Variants in GUCY2F observed in about 807,000 individuals in gnomAD.
GUCY2F encodes the protein retinal guanylyl cyclase 2.
In GUCY2F, 61 loss-of-function variants were observed where a neutral mutation model predicts 73.1. The ratio of observed to expected loss-of-function variants is 0.83; its 90% CI spans 0.68 to 1.03. The LOEUF (loss-of-function observed/expected upper bound fraction) is 1.03. GUCY2F is among the 50% of genes least tolerant of loss of function. The pLI is 0.00. For missense variants in GUCY2F, 912 were observed against 854.3 expected (o/e 1.07, Z -0.84); for synonymous variants, 331 against 307.8 (o/e 1.08, Z -0.79).
intron 8 of GUCY2F, among the ~76,000 whole-genome samples, chrX:109,428,396 A>G (rs1358134403): frequency 8.9e-6 from 1 of 112,182 alleles, no homozygotes; most frequent in Non-Finnish European, 1.9e-5. Flanking sequence ...GAAGATGCAT[A>G]GTCTAAATCG....
At chrX:109,394,422 A>C in intron 12 of GUCY2F, among the ~76,000 whole-genome samples, 1 of 112,153 alleles carries the variant, frequency 8.9e-6, no homozygotes, top group Non-Finnish European at 1.9e-5. Flanking sequence ...TAATGGAGGC[A>C]TTGTTAGCTG....
intron 10 of GUCY2F, among the ~76,000 whole-genome samples, chrX:109,400,243 A>T (rs1394774329): frequency 9.1e-6 from 1 of 110,312 alleles, no homozygotes; most frequent in African/African-American, 3.3e-5. Flanking sequence ...GCAGCAACAC[A>T]GTCAACCAGA....
intron 18 of GUCY2F, 25 bp from the exon 19 acceptor site, chrX:109,376,011 T>C: frequency 1.7e-6 from 2 of 1,172,908 alleles, no homozygotes; most frequent in Non-Finnish European, 2.3e-6. Flanking sequence ...AGACATCAAA[T>C]AGGTAGTGAA....
rs139204279 is a variant in GUCY2F, at chrX:109,414,387, G to A, written c.1792-5219C>T. On this transcript the variant is annotated intron_variant, in intron 8 of 19. Coordinates refer to ENST00000218006, the MANE Select transcript of GUCY2F (RefSeq NM_001522.3). ...CTATTGTTCAAGACCTCCTATCCCC[G>A]TATCAACCTACCCACTATCTAACAC... 3.1e-4 allele frequency among the ~76,000 whole-genome samples: 35 copies of A among 111,335 alleles called. No individual in the cohort carries two copies. The East Asian group carries it at 9.0e-3, about 29-fold the overall frequency.
At position 109,457,784 on chromosome X, in the gene GUCY2F, T is replaced by C. The variant is rs1005727739; in HGVS notation, c.1033-3925A>G. Reference sequence around the variant, plus strand: ...AACAATAGCAATAAAGAGCATAAGGTCCCCAAGCTTTCTAAGAAATCCTGA... The same window carrying C: ...AACAATAGCAATAAAGAGCATAAGGCCCCCAAGCTTTCTAAGAAATCCTGA... On this transcript the variant is annotated intron_variant, in intron 3 of 19. Coordinates refer to ENST00000218006, the MANE Select transcript of GUCY2F (RefSeq NM_001522.3). Among the ~76,000 whole-genome samples the C allele has an allele frequency of 9.0e-5, 10 of 111,134 alleles. No individual in the cohort carries two copies. The Admixed American group carries it at 9.5e-4, about 11-fold the overall frequency.
chrX:109,455,312 T>G (rs967015884), intron 3 of GUCY2F, among the ~76,000 whole-genome samples: 3 of 112,178 alleles, frequency 2.7e-5, no homozygotes, highest in Non-Finnish European at 3.8e-5. Context: ...ATCAGCTTTC[T>G]CTGTGCTTCC....
chrX:109,432,155 CTG>C (rs913117761), intron 7 of GUCY2F, among the ~76,000 whole-genome samples: 4 of 111,802 alleles, frequency 3.6e-5, no homozygotes, highest in East Asian at 2.8e-4. Context: ...GTCCAGCAAA[CTG>C]TGTTTTAACA....
At chrX:109,414,420 T>C (rs1168609500) in intron 8 of GUCY2F, among the ~76,000 whole-genome samples, 3 of 112,129 alleles carry the variant, frequency 2.7e-5, no homozygotes, top group African/African-American at 3.2e-5. Context: ...CACCCAGAAG[T>C]CAATGGTCAT....
chrX:109,421,712 T>C (rs977346555), intron 8 of GUCY2F, among the ~76,000 whole-genome samples: 1 of 111,638 alleles, frequency 9.0e-6, no homozygotes, highest in Non-Finnish European at 1.9e-5. Flanking sequence ...AACTGTATAC[T>C]TAAAAATGGT....
chrX:109,435,720 A>G (rs919069850), intron 7 of GUCY2F, among the ~76,000 whole-genome samples: 2 of 111,423 alleles, frequency 1.8e-5, no homozygotes, highest in African/African-American at 3.3e-5. Context: ...TTCAAAGCCA[A>G]TGCTTCCAGT....
At chrX:109,449,313 CA>C (rs2147276055) in intron 5 of GUCY2F, among the ~76,000 whole-genome samples, 1 of 112,413 alleles carries the variant, frequency 8.9e-6, no homozygotes, top group Non-Finnish European at 1.9e-5. Context: ...TGTCTGCCAA[CA>C]AATATGTCCC....
intron 8 of GUCY2F, among the ~76,000 whole-genome samples, chrX:109,423,487 A>T (rs1931413345): frequency 9.0e-6 from 1 of 111,317 alleles, no homozygotes; most frequent in Admixed American, 9.6e-5. Flanking sequence ...TATAGATGAA[A>T]AAATACAGGA....
chrX:109,445,797 T>G (rs1931990361), intron 6 of GUCY2F, among the ~76,000 whole-genome samples: 1 of 111,326 alleles, frequency 9.0e-6, no homozygotes, highest in African/African-American at 3.3e-5. Context: ...AAGAAAGAAA[T>G]AAAGGGTATT....
intron 10 of GUCY2F, among the ~76,000 whole-genome samples, chrX:109,404,076 T>C (rs1040550269): frequency 5.2e-4 from 58 of 111,985 alleles, no homozygotes; most frequent in African/African-American, 1.8e-3. Flanking sequence ...ACTGCTGGGG[T>C]CTCCAAACAA....
chrX:109,453,884 T>G (rs2147277752), intron 3 of GUCY2F, 25 bp from the exon 4 acceptor site: 1 of 940,151 alleles, frequency 1.1e-6, no homozygotes, highest in East Asian at 3.2e-5. Context: ...TACAATTATC[T>G]TGAGCCCTGG....
intron 7 of GUCY2F, among the ~76,000 whole-genome samples, chrX:109,433,462 T>TTCCTC (rs1362532283): frequency 8.9e-6 from 1 of 112,303 alleles, no homozygotes; most frequent in African/African-American, 3.2e-5. Context: ...TTGTTGCTCT[T>TTCCTC]TCCTCTCGTT....
At chrX:109,476,838 T>C (rs1368819336) in intron 1 of GUCY2F, among the ~76,000 whole-genome samples, 3 of 110,306 alleles carry the variant, frequency 2.7e-5, no homozygotes, top group Non-Finnish European at 3.8e-5. Context: ...TATATATATA[T>C]GTGCGTGTAT....
At chrX:109,464,569 T>A (rs1195282617) in intron 3 of GUCY2F, among the ~76,000 whole-genome samples, 2 of 112,021 alleles carry the variant, frequency 1.8e-5, no homozygotes, top group African/African-American at 6.5e-5. Flanking sequence ...AAGAAGCAAA[T>A]GCTCTGCTGT....
chrX:109,470,238 C>T (rs915799172), intron 2 of GUCY2F, among the ~76,000 whole-genome samples: 10 of 111,983 alleles, frequency 8.9e-5, no homozygotes, highest in Non-Finnish European at 1.9e-4. Flanking sequence ...TGCAAGAAGT[C>T]TAGATGTTTA....
Sources: allele counts gnomAD v4.1 joint callset (sites outside exome capture counted in the v4.1 genomes callset), GRCh38; gene constraint gnomAD v4.1.1; transcripts MANE v1.5; gene names NCBI Gene and HGNC (gene_info 2026-07-23, HGNC 2026-07-21).